Variants in PBX1 observed in about 807,000 individuals in gnomAD.
PBX1 encodes PBX homeobox 1, also known as pre-B-cell leukemia transcription factor 1.
PBX1 carries 6 observed loss-of-function variants against 53.4 expected under a neutral mutation model. The observed-to-expected ratio is 0.11, with a 90% CI of 0.06 to 0.22. The LOEUF is 0.22. PBX1 is among the 10% of genes least tolerant of loss of function. PBX1 has a pLI of 1.00. For synonymous variants in PBX1, 204 were observed against 212.3 expected (o/e 0.96, Z 0.34); for missense variants, 251 against 551.4 (o/e 0.46, Z 5.46).
At chr1:164,656,674 GA>G (rs200038661) in intron 2 of PBX1, among the ~76,000 whole-genome samples, 4 of 147,502 alleles carry the variant, frequency 2.7e-5, no homozygotes, top group South Asian at 2.1e-4. Context: ...GAAAGTGACG[GA>G]AAAAAAAAAC....
At position 164,792,617 on chromosome 1, in the gene PBX1, C is replaced by A. The variant is rs772720191; in HGVS notation, c.389C>A (p.Ala130Glu). 1 of 1,613,532 alleles carries A rather than the reference C, an allele frequency of 6.2e-7. No homozygotes were observed. The highest frequency in any genetic ancestry group is 8.5e-7 in the Non-Finnish European group (1 of 1,179,726). Residue 130 changes from alanine (A) to glutamate (E), a missense_variant, in exon 3 of 9, where the codon GCG (alanine) becomes GAG (glutamate). Coordinates refer to ENST00000420696, the MANE Select transcript of PBX1 (RefSeq NM_002585.4). Reference protein sequence around the residue: ...PEKGGGSAAAAAAAAASGGAG... With the variant: ...PEKGGGSAAAEAAAAASGGAG... Reference sequence around the variant, plus strand: ...AAGGGCGGAGGGTCGGCGGCAGCGGCGGCAGCGGCGGCGGCTTCTGGAGGG... The same window carrying A: ...AAGGGCGGAGGGTCGGCGGCAGCGGAGGCAGCGGCGGCGGCTTCTGGAGGG...
downstream of PBX1, among the ~76,000 whole-genome samples, chr1:164,855,180 A>G (rs1352794712): frequency 6.6e-6 from 1 of 152,126 alleles, no homozygotes; most frequent in Non-Finnish European, 1.5e-5. Context: ...TCCTGGGTTC[A>G]AGCAATCTGC....
intron 2 of PBX1, among the ~76,000 whole-genome samples, chr1:164,773,253 A>ACACACACACACACG (rs1218476200): frequency 6.6e-6 from 1 of 151,548 alleles, no homozygotes; most frequent in Non-Finnish European, 1.5e-5. Context: ...GCACACACAC[A>ACACACACACACACG]CACACACACA....
At chr1:164,854,186 A>C (rs1671925816), downstream of PBX1, 1 of 152,058 alleles carries the variant, frequency 6.6e-6, no homozygotes, top group Non-Finnish European at 1.5e-5. Flanking sequence ...GATTACAGGC[A>C]TGAGCCACCG....
chr1:164,644,233 C>G (rs774600404), intron 2 of PBX1, among the ~76,000 whole-genome samples: 4 of 152,164 alleles, frequency 2.6e-5, no homozygotes, highest in Admixed American at 1.3e-4. Context: ...CAAGTTAATT[C>G]TACAGGATTC....
At chr1:164,729,930 T>C (rs1418397204) in intron 2 of PBX1, among the ~76,000 whole-genome samples, 1 of 152,262 alleles carries the variant, frequency 6.6e-6, no homozygotes, top group Non-Finnish European at 1.5e-5. Context: ...CATTTAATCT[T>C]CCCAATAATT....
intron 2 of PBX1, among the ~76,000 whole-genome samples, chr1:164,663,196 T>C (rs148286408): frequency 6.7e-6 from 1 of 148,680 alleles, no homozygotes; most frequent in African/African-American, 2.5e-5. Flanking sequence ...CTGTCTTCCT[T>C]CCTGCCTTCC....
chr1:164,678,134 G>A (rs532659367), intron 2 of PBX1, among the ~76,000 whole-genome samples: 1 of 152,260 alleles, frequency 6.6e-6, no homozygotes, highest in South Asian at 2.1e-4. Context: ...TATAGTGAAA[G>A]GGGGTGATCC....
At chr1:164,748,618 A>G (rs903709956) in intron 2 of PBX1, among the ~76,000 whole-genome samples, 2 of 152,174 alleles carry the variant, frequency 1.3e-5, no homozygotes, top group African/African-American at 4.8e-5. Context: ...TTCTATCGCA[A>G]GTTTCAAATC....
At chr1:164,595,569 G>C (rs950486776) in intron 2 of PBX1, among the ~76,000 whole-genome samples, 1 of 150,934 alleles carries the variant, frequency 6.6e-6, no homozygotes, top group Admixed American at 6.6e-5. Flanking sequence ...TGATTCATTT[G>C]CTCATTGTCA....
intron 2 of PBX1, chr1:164,656,997 G>A (rs1660207671): frequency 1.3e-5 from 2 of 152,164 alleles, no homozygotes; most frequent in African/African-American, 2.4e-5. Flanking sequence ...CCCATATGGA[G>A]TATTTGACTA....
chr1:164,575,028 G>T (rs1654123345), intron 2 of PBX1, among the ~76,000 whole-genome samples: 1 of 152,150 alleles, frequency 6.6e-6, no homozygotes, highest in South Asian at 2.1e-4. Context: ...AGGCCAGTTG[G>T]AGGCCAATCC....
At chr1:164,587,727 G>T (rs1655045913) in intron 2 of PBX1, among the ~76,000 whole-genome samples, 2 of 152,108 alleles carry the variant, frequency 1.3e-5, no homozygotes, top group South Asian at 4.1e-4. Context: ...ACATCGTTTT[G>T]TGCGGATGAG....
intron 2 of PBX1, among the ~76,000 whole-genome samples, chr1:164,786,043 T>A (rs1668156689): frequency 6.6e-6 from 1 of 152,152 alleles, no homozygotes; most frequent in Admixed American, 6.5e-5. Flanking sequence ...GAGAACAGCC[T>A]TCTACCCAAC....
chr1:164,869,561 A>G (rs1672299376), intron 2 of PBX1, among the ~76,000 whole-genome samples: 1 of 152,182 alleles, frequency 6.6e-6, no homozygotes, highest in Non-Finnish European at 1.5e-5. Context: ...AGCACCTTCT[A>G]TGTGCCAGGC....
At chr1:164,718,371 T>G (rs147618428) in intron 2 of PBX1, among the ~76,000 whole-genome samples, 2 of 152,282 alleles carry the variant, frequency 1.3e-5, no homozygotes, top group East Asian at 3.9e-4. Context: ...AGCTTCCAGT[T>G]GTATCACATT....
chr1:164,697,062 G>T (rs1662838776), intron 2 of PBX1, among the ~76,000 whole-genome samples: 1 of 152,282 alleles, frequency 6.6e-6, no homozygotes, highest in East Asian at 1.9e-4. Context: ...ACTTCATGGG[G>T]TTTGGTGAAA....
At position 164,849,380 on chromosome 1, in the gene PBX1, G is replaced by A. The variant is rs536700162; in HGVS notation, c.*2704G>A. 178 of 1,535,566 alleles carry A rather than the reference G, an allele frequency of 1.2e-4. No individual in the cohort carries two copies. Among genetic ancestry groups the A allele is most frequent in the Admixed American group, 2.5e-4 (13 of 50,982 alleles). ...CCCCGGCAAGCCCACTATCACTTCCGACTTCCAACGTGGCATCCGTGAGAT... is the reference window on the plus strand; with the variant it reads ...CCCCGGCAAGCCCACTATCACTTCCAACTTCCAACGTGGCATCCGTGAGAT... On this transcript the variant is annotated 3_prime_UTR_variant, in exon 9 of 9. Coordinates refer to ENST00000420696, the MANE Select transcript of PBX1 (RefSeq NM_002585.4).
At chr1:164,869,587 A>G (rs921276613) in intron 2 of PBX1, among the ~76,000 whole-genome samples, 11 of 152,204 alleles carry the variant, frequency 7.2e-5, no homozygotes, top group Non-Finnish European at 1.5e-4. Flanking sequence ...TCTAAGTATC[A>G]GGGGTAGAGA....
Sources: gnomAD v4.1 joint callset for allele counts (sites outside exome capture counted in the v4.1 genomes callset) on GRCh38, gnomAD v4.1.1 for gene constraint, MANE v1.5 for transcripts, NCBI Gene and HGNC (gene_info 2026-07-23, HGNC 2026-07-21) for gene names.